Variants in TGM6 observed in about 807,000 individuals in gnomAD.
TGM6 encodes transglutaminase 6.
In TGM6, 74 loss-of-function variants were observed where a neutral mutation model predicts 77.5. The ratio of observed to expected loss-of-function variants is 0.96; its 90% CI spans 0.79 to 1.16. TGM6 has a LOEUF of 1.16. TGM6 is among the 50% of genes most tolerant of loss of function. TGM6 has a pLI of 0.00. For synonymous variants in TGM6, 383 were observed against 378.9 expected, an observed-to-expected ratio of 1.01 and a Z score of -0.12; for missense variants, 968 against 940.2, an observed-to-expected ratio of 1.03 and a Z score of -0.39.
chr20:2,403,211 A>C (rs1203358594), intron 7 of TGM6, among the ~76,000 whole-genome samples, 186 bp from the exon 8 acceptor site: 2 of 152,196 alleles, frequency 1.3e-5, no homozygotes, highest in Non-Finnish European at 2.9e-5. Context: ...CTATATACAC[A>C]CATACACATA....
At chr20:2,413,127 A>G (rs565498525) in intron 9 of TGM6, among the ~76,000 whole-genome samples, 122 of 152,308 alleles carry the variant, frequency 8.0e-4, no homozygotes, top group African/African-American at 2.8e-3. Context: ...AAAACTTACT[A>G]CAGCCAGGCA....
chr20:2,417,652 C>A, intron 10 of TGM6, 79 bp downstream of exon 10: 1 of 1,444,714 alleles, frequency 6.9e-7, no homozygotes, highest in Non-Finnish European at 9.4e-7. Flanking sequence ...GAGGGATTTC[C>A]CAGGACTGCA....
intron 12 of TGM6, 104 bp downstream of exon 12, chr20:2,431,131 C>A: frequency 1.4e-6 from 2 of 1,459,746 alleles, no homozygotes; most frequent in Non-Finnish European, 1.9e-6. Flanking sequence ...ATTCTGGACA[C>A]CCCAGGAACC....
At chr20:2,403,175 G>T (rs564601990) in intron 7 of TGM6, among the ~76,000 whole-genome samples, 1 of 152,216 alleles carries the variant, frequency 6.6e-6, no homozygotes, top group South Asian at 2.1e-4. Context: ...TTGAACAACA[G>T]GTTCTTGATA....
chr20:2,430,552 G>T lies in TGM6; in HGVS notation c.1785G>T (p.Lys595Asn), dbSNP rs1261072500. 1.2e-6 allele frequency: 2 copies of T among 1,614,186 alleles called. No individual in the cohort carries two copies. Among genetic ancestry groups the T allele is most frequent in the South Asian group, 1.1e-5 (1 of 91,078 alleles). Residue 595 changes from lysine to asparagine, a missense_variant, in exon 11 of 13, where the codon AAG (lysine) becomes AAT (asparagine). Physicochemically the swap from Lys to Asn is moderately conservative, Grantham distance 94 (BLOSUM62 0). Transcript: ENST00000202625. The stretch of plus-strand genomic sequence containing the variant: ...TGTGCCTTGTCACCAAAGGAGAGAA[G>T]CTTCTGGTGGAGAAGGACATTACTC... ...AAMCLVTKGE[K>N]LLVEKDITLE...
At chr20:2,432,127 C>T (rs1256072383) in intron 12 of TGM6, among the ~76,000 whole-genome samples, 2 of 152,300 alleles carry the variant, frequency 1.3e-5, no homozygotes, top group Middle Eastern at 3.4e-3. Context: ...TGGCTCACTG[C>T]AACCTCTCCC....
chr20:2,399,096 T>A (rs975135615), intron 5 of TGM6, among the ~76,000 whole-genome samples: 2 of 151,372 alleles, frequency 1.3e-5, no homozygotes, highest in African/African-American at 2.4e-5. Context: ...GCTGTGTGAT[T>A]TGGGCAGGTC....
intron 10 of TGM6, among the ~76,000 whole-genome samples, chr20:2,427,776 G>C (rs1353626805): frequency 6.6e-6 from 1 of 152,058 alleles, no homozygotes; most frequent in African/African-American, 2.4e-5. Flanking sequence ...TTGCTTTTCA[G>C]ACAGAGTCTC....
In TGM6 at chr20:2,432,540, C is replaced by T; in HGVS notation, c.2018C>T (p.Thr673Ile). 3 of 1,614,124 alleles carry T rather than the reference C, an allele frequency of 1.9e-6. No homozygotes were observed. The highest frequency in any genetic ancestry group is 2.5e-6 in the Non-Finnish European group (3 of 1,180,016). The change falls in exon 13 of 13, where the codon ACC becomes ATC. Residue 673 changes from threonine (T) to isoleucine (I), a missense_variant. Thr to Ile is a moderately conservative substitution (Grantham distance 89, BLOSUM62 -1). Transcript: ENST00000202625. ...AGGGCCTCAGTCCAGTTTGACATCA[C>T]CCCCTCCAAAAGTGGCCCAAGGCAG... ...QERASVQFDI[T>I]PSKSGPRQLQ...
At chr20:2,397,325 CG>C (rs1184378729) in intron 4 of TGM6, among the ~76,000 whole-genome samples, 1 of 152,140 alleles carries the variant, frequency 6.6e-6, no homozygotes, top group Non-Finnish European at 1.5e-5. Flanking sequence ...TCCAGGTCCC[CG>C]GTGGAAGAAA....
rs1370614357 is a variant in TGM6, at chr20:2,417,425, C to A, written c.1530C>A (p.Asp510Glu). 1 of 1,612,918 alleles carries A rather than the reference C, an allele frequency of 6.2e-7. No individual in the cohort carries two copies. Among genetic ancestry groups the A allele is most frequent in the East Asian group, 2.2e-5 (1 of 44,892 alleles). Residue 510 changes from aspartate to glutamate, a missense_variant, in exon 10 of 13, where the codon GAC (aspartate) becomes GAA (glutamate). By Grantham distance (45) the Asp-to-Glu change is conservative. Coordinates refer to ENST00000202625, the MANE Select transcript of TGM6 (RefSeq NM_198994.3). ...KVLEPPMLGH[D>E]LRLALCLANL... ...TAGAGCCTCCCATGCTGGGCCACGA[C>A]CTGAGACTGGCCCTGTGCTTGGCCA...
intron 10 of TGM6, among the ~76,000 whole-genome samples, chr20:2,429,218 A>G (rs1220820081): frequency 6.6e-6 from 1 of 152,174 alleles, no homozygotes; most frequent in East Asian, 1.9e-4. Context: ...TCATACTTTA[A>G]CACATGAATC....
chr20:2,392,369 G>T (rs1045938216), intron 1 of TGM6, among the ~76,000 whole-genome samples: 1 of 152,188 alleles, frequency 6.6e-6, no homozygotes, highest in Non-Finnish European at 1.5e-5. Flanking sequence ...CCTTGCTTGT[G>T]CCCCTTCAGA....
At chr20:2,431,107 G>A (rs539316523) in intron 12 of TGM6, 80 bp downstream of exon 12, 3 of 1,583,830 alleles carry the variant, frequency 1.9e-6, no homozygotes, top group South Asian at 2.3e-5. Flanking sequence ...GCCAGGGATG[G>A]GGGTGTGAGA....
intron 10 of TGM6, among the ~76,000 whole-genome samples, chr20:2,419,540 A>G (rs1280299734): frequency 6.6e-6 from 1 of 152,216 alleles, no homozygotes; most frequent in African/African-American, 2.4e-5. Flanking sequence ...TTGGAAAGCA[A>G]AAGAGAAAAA....
chr20:2,388,494 A>C (rs2084610366), intron 1 of TGM6, among the ~76,000 whole-genome samples: 1 of 152,154 alleles, frequency 6.6e-6, no homozygotes, highest in Admixed American at 6.6e-5. Flanking sequence ...ACTCTGGGTC[A>C]TGTGCAGTGG....
At chr20:2,396,361 C>T (rs752959678) in intron 3 of TGM6, 145 bp from the exon 4 acceptor site, 12 of 769,142 alleles carry the variant, frequency 1.6e-5, no homozygotes, top group Admixed American at 5.8e-5. Context: ...GGAGGCAGCA[C>T]GGGAGCTCGC....
chr20:2,420,691 G>C (rs933473075), intron 10 of TGM6, among the ~76,000 whole-genome samples: 17 of 152,026 alleles, frequency 1.1e-4, no homozygotes, highest in African/African-American at 3.9e-4. Flanking sequence ...TCTTTTTACT[G>C]TCTCCACACT....
At chr20:2,395,576 A>C in intron 3 of TGM6, 140 bp downstream of exon 3, 1 of 1,494,370 alleles carries the variant, frequency 6.7e-7, no homozygotes, top group East Asian at 2.3e-5. Flanking sequence ...TAGCCTAGGC[A>C]GAGGTAGGCA....
Sources: gnomAD v4.1 joint callset for allele counts (sites outside exome capture counted in the v4.1 genomes callset) on GRCh38, gnomAD v4.1.1 for gene constraint, MANE v1.5 for transcripts, NCBI Gene and HGNC (gene_info 2026-07-23, HGNC 2026-07-21) for gene names.